SEPTIN9: variants seen among roughly 807,000 people sequenced by gnomAD.
SEPTIN9 encodes the protein septin 9.
SEPTIN9 carries 13 observed loss-of-function variants against 56.6 expected under a neutral mutation model. The ratio of observed to expected loss-of-function variants is 0.23; its 90% CI spans 0.15 to 0.37. SEPTIN9 has a LOEUF of 0.37. Among genes scored for constraint, SEPTIN9 ranks in the 10% least tolerant of loss-of-function variants. The pLI is 1.00. For synonymous variants in SEPTIN9, 332 were observed against 334.1 expected (o/e 0.99, Z 0.07); for missense variants, 650 against 823.1 (o/e 0.79, Z 2.57).
rs1364213959 is a variant in SEPTIN9, at chr17:77,405,759, C to G, written c.721+3056C>G. On this transcript the variant is annotated intron_variant, in intron 3 of 11. Transcript: ENST00000427177. The surrounding 1 kb of genome is among the most constrained non-coding windows in gnomAD (Gnocchi z 5.8). ...CCACCTGCTTGCTTCTCCGTCCTCC[C>G]TCTCTGTGTCACGACCGTTCTGGAC... 6.6e-6 allele frequency among the ~76,000 whole-genome samples: 1 copy of G among 152,166 alleles called. No individual in the cohort carries two copies. The highest frequency in any genetic ancestry group is 6.5e-5 in the Admixed American group (1 of 15,292).
At chr17:77,342,339 G>T (rs982370199) in intron 2 of SEPTIN9, among the ~76,000 whole-genome samples, 1 of 152,148 alleles carries the variant, frequency 6.6e-6, no homozygotes, top group Non-Finnish European at 1.5e-5. Context: ...TGTAATGTCG[G>T]TAGGATCCGT....
Position 77,482,295 on chromosome 17 carries a change from G to A in SEPTIN9, c.873G>A (p.Lys291=). The A allele has an allele frequency of 1.2e-6, 2 of 1,613,230 alleles. No homozygotes were observed. Among genetic ancestry groups the A allele is most frequent in the Non-Finnish European group, 1.7e-6 (2 of 1,179,882 alleles). Residue 291 remains lysine, a synonymous_variant, in exon 4 of 12, where the codon AAG becomes AAA. Transcript: ENST00000427177. The stretch of plus-strand genomic sequence containing the variant: ...CCATCCTGGAGCAGATGCGCCGGAA[G>A]GCCATGAAGCAGGGCTTCGAGTTCA... ...IDSILEQMRR[K]AMKQGFEFNI... is the part of the protein sequence containing the mutation.
At chr17:77,447,386 CA>C (rs1052888048) in intron 3 of SEPTIN9, among the ~76,000 whole-genome samples, 59 of 152,254 alleles carry the variant, frequency 3.9e-4, no homozygotes, top group Admixed American at 3.1e-3. Context: ...GACCCTCCAC[CA>C]AAAAACATTC....
At chr17:77,321,713 T>G (rs1334491670) in intron 2 of SEPTIN9, among the ~76,000 whole-genome samples, 1 of 152,136 alleles carries the variant, frequency 6.6e-6, no homozygotes, top group African/African-American at 2.4e-5. Flanking sequence ...GATTGTCACG[T>G]TGGGACTGGT....
intron 3 of SEPTIN9, among the ~76,000 whole-genome samples, chr17:77,404,010 C>T (rs78425121): frequency 2.0e-5 from 3 of 152,110 alleles, no homozygotes; most frequent in Non-Finnish European, 2.9e-5. Flanking sequence ...CTCTAGGAAC[C>T]TTGTGTGTGT....
intron 8 of SEPTIN9, among the ~76,000 whole-genome samples, chr17:77,491,583 C>T (rs1377663035): frequency 6.6e-6 from 1 of 151,334 alleles, no homozygotes; most frequent in Admixed American, 6.6e-5. Flanking sequence ...GAGGCCGAGG[C>T]GGGCAGATCA....
chr17:77,361,693 C>T lies in SEPTIN9; in HGVS notation c.77-40366C>T, dbSNP rs574388341. Among the ~76,000 whole-genome samples the T allele has an allele frequency of 6.6e-5, 10 of 151,512 alleles. No individual in the cohort carries two copies. The East Asian group carries it at 1.2e-3, about 18-fold the overall frequency. On this transcript the variant is annotated intron_variant, in intron 2 of 11. Coordinates refer to ENST00000427177, the MANE Select transcript of SEPTIN9 (RefSeq NM_001113491.2). ...TTTCGCCCAGGCTGGAGTGCAGTGGCGCTATCTCGGCTCACTGCAAGCTCC... is the reference window on the plus strand; with the variant it reads ...TTTCGCCCAGGCTGGAGTGCAGTGGTGCTATCTCGGCTCACTGCAAGCTCC...
chr17:77,316,747 A>G (rs919997325), intron 2 of SEPTIN9, among the ~76,000 whole-genome samples: 2 of 140,862 alleles, frequency 1.4e-5, no homozygotes, highest in African/African-American at 5.3e-5. Flanking sequence ...CACTCTTTTT[A>G]CCCAGCCAGG....
At chr17:77,322,156 G>T (rs564348287) in intron 2 of SEPTIN9, among the ~76,000 whole-genome samples, 3 of 152,356 alleles carry the variant, frequency 2.0e-5, no homozygotes, top group South Asian at 2.1e-4. Flanking sequence ...ACCAGCAGGG[G>T]ATCTGAGAGC....
intron 2 of SEPTIN9, among the ~76,000 whole-genome samples, chr17:77,372,113 G>A (rs2034738920): frequency 6.6e-6 from 1 of 152,214 alleles, no homozygotes; most frequent in South Asian, 2.1e-4. Flanking sequence ...TTGTAGCGTT[G>A]CGGCCTGCTG....
Position 77,451,386 on chromosome 17 carries a change from A to G in SEPTIN9, c.722-30758A>G, listed in dbSNP as rs373080214. Reference sequence around the variant, plus strand: ...TCCCAGGCAGTCGAGGTCCCTCCCTACCTCTGCCCCGCGCTCTGGGAGGCT... The same window carrying G: ...TCCCAGGCAGTCGAGGTCCCTCCCTGCCTCTGCCCCGCGCTCTGGGAGGCT... On this transcript the variant is annotated intron_variant, in intron 3 of 11. Coordinates refer to ENST00000427177, the MANE Select transcript of SEPTIN9 (RefSeq NM_001113491.2). The surrounding 1 kb of genome is among the most constrained non-coding windows in gnomAD (Gnocchi z 4.2). 7.1e-6 allele frequency: 7 copies of G among 983,540 alleles called. No individual in the cohort carries two copies. The highest frequency in any genetic ancestry group is 1.8e-5 in the African/African-American group (1 of 56,488). 60.9% of individuals were successfully genotyped at this position (983,540 alleles called of 1,614,324 possible).
At chr17:77,320,615 G>C (rs1317344926) in intron 2 of SEPTIN9, among the ~76,000 whole-genome samples, 1 of 152,102 alleles carries the variant, frequency 6.6e-6, no homozygotes, top group Non-Finnish European at 1.5e-5. Context: ...TGCATGTCAT[G>C]GCCACTGTCA....
At chr17:77,458,709 C>T (rs890656170) in intron 3 of SEPTIN9, among the ~76,000 whole-genome samples, 2 of 152,138 alleles carry the variant, frequency 1.3e-5, no homozygotes, top group African/African-American at 4.8e-5. Flanking sequence ...CAGCCACGGG[C>T]TGAGTGGCGG....
At position 77,371,072 on chromosome 17, in the gene SEPTIN9, C is replaced by G. The variant is rs964703444; in HGVS notation, c.77-30987C>G. On this transcript the variant is annotated intron_variant, in intron 2 of 11. Coordinates refer to ENST00000427177, the MANE Select transcript of SEPTIN9 (RefSeq NM_001113491.2). The surrounding 1 kb of genome is among the most constrained non-coding windows in gnomAD (Gnocchi z 4.1). ...TACAATTAGAGCAGTTGGTTAGATACGAGGGTGAACTTCCTGGCTGGGAGT... is the reference window on the plus strand; with the variant it reads ...TACAATTAGAGCAGTTGGTTAGATAGGAGGGTGAACTTCCTGGCTGGGAGT... 6.6e-6 allele frequency among the ~76,000 whole-genome samples: 1 copy of G among 152,288 alleles called. No homozygotes were observed. The highest frequency in any genetic ancestry group is 2.4e-5 in the African/African-American group (1 of 41,558).
At chr17:77,320,396 C>T (rs1278523408) in intron 2 of SEPTIN9, 1 of 1,516,454 alleles carries the variant, frequency 6.6e-7, no homozygotes, top group Non-Finnish European at 9.2e-7. Context: ...CTGCCCTGGA[C>T]TCGGGGCTTT....
rs1030672703 is a variant in SEPTIN9, at chr17:77,311,527, G to A, written c.76+4330G>A. On this transcript the variant is annotated intron_variant, in intron 2 of 11. Coordinates refer to ENST00000427177, the MANE Select transcript of SEPTIN9 (RefSeq NM_001113491.2). ...GGCAAGGCCTGGGCTGGTGCTCGCT[G>A]CCTCCCTTCATCCTATGCTAGTTCC... Among the ~76,000 whole-genome samples, 3 of 152,300 alleles carry A rather than the reference G, an allele frequency of 2.0e-5. No individual in the cohort carries two copies. In the East Asian group the frequency reaches 5.8e-4, roughly 29 times the overall value.
In SEPTIN9 at chr17:77,405,827, C is replaced by A. The variant is rs1339484444; in HGVS notation, c.721+3124C>A. On this transcript the variant is annotated intron_variant, in intron 3 of 11. Transcript: ENST00000427177. This position sits in a 1 kb window ranked among gnomAD's most constrained non-coding sequence, Gnocchi z 5.8. ...CAACTCAGCTTCCTGCCCATCTTTC[C>A]TTCAGGCCCATCCCCTTCTGCCCCT... is the stretch of plus-strand genomic sequence containing the variant. Among the ~76,000 whole-genome samples, 1 of 152,176 alleles carries A rather than the reference C, an allele frequency of 6.6e-6. No homozygotes were observed. The highest frequency in any genetic ancestry group is 1.5e-5 in the Non-Finnish European group (1 of 68,024).
chr17:77,498,771 C>A lies in SEPTIN9; in HGVS notation c.*113C>A. 1.4e-6 allele frequency: 1 copy of A among 700,772 alleles called. No homozygotes were observed. The highest frequency in any genetic ancestry group is 2.5e-6 in the Non-Finnish European group (1 of 403,658). The allele number at this position is 700,772 out of a possible 1,614,324, so 43.4% of individuals were successfully genotyped here. ...GATTTTCTCCATTTGTCATCGTTCC[C>A]CACCCCTTCGACATGCTGCCAGGAA... is the stretch of plus-strand genomic sequence containing the variant. On this transcript the variant is annotated 3_prime_UTR_variant, in exon 12 of 12. Coordinates refer to ENST00000427177, the MANE Select transcript of SEPTIN9 (RefSeq NM_001113491.2).
At chr17:77,339,182 A>G (rs1362179625) in intron 2 of SEPTIN9, among the ~76,000 whole-genome samples, 3 of 152,044 alleles carry the variant, frequency 2.0e-5, no homozygotes, top group East Asian at 3.8e-4. Flanking sequence ...TGATATTTCA[A>G]CCTCTTCTTG....
Sources: gnomAD v4.1 joint callset for allele counts (sites outside exome capture counted in the v4.1 genomes callset) on GRCh38, gnomAD v4.1.1 for gene constraint, Gnocchi (gnomAD v3.1) non-coding constraint, MANE v1.5 for transcripts, NCBI Gene and HGNC (gene_info 2026-07-23, HGNC 2026-07-21) for gene names.